The following KLHL6 variants were observed in gnomAD, a reference collection of about 807,000 sequenced individuals.
The protein encoded by KLHL6 is kelch-like protein 6.
In KLHL6, 41 loss-of-function variants were observed where a neutral mutation model predicts 58.6. The observed-to-expected ratio is 0.70, with a 90% confidence interval of 0.55 to 0.91. KLHL6 has a LOEUF of 0.91. KLHL6 is among the 40% of genes least tolerant of loss of function. The probability of loss-of-function intolerance (pLI) is 0.00; values close to 1 mark genes in which losing one functional copy is unlikely to be tolerated. For synonymous variants in KLHL6, 338 were observed against 322.7 expected (o/e 1.05, Z -0.51); for missense variants, 714 against 805.6 (o/e 0.89, Z 1.38).
intron 5 of KLHL6, 112 bp downstream of exon 5, chr3:183,493,967 G>T: frequency 3.2e-6 from 3 of 943,742 alleles, no homozygotes; most frequent in Non-Finnish European, 5.1e-6. Flanking sequence ...TGTTCTCCTT[G>T]GAAGTAAAGT....
At chr3:183,550,721 A>G (rs73190811) in intron 1 of KLHL6, among the ~76,000 whole-genome samples, 5,134 of 152,216 alleles carry the variant, frequency 0.034, 110 homozygotes, top group Non-Finnish European at 0.054. Flanking sequence ...GCTTGAGCCC[A>G]GGGAGGCTGC....
intron 1 of KLHL6, among the ~76,000 whole-genome samples, chr3:183,549,550 C>T (rs1430842734): frequency 2.1e-4 from 32 of 152,134 alleles, no homozygotes; most frequent in Non-Finnish European, 2.2e-4. Flanking sequence ...GCTCTGTTGC[C>T]CCGGCTGGAG....
chr3:183,550,921 C>T (rs1255961939), intron 1 of KLHL6, among the ~76,000 whole-genome samples: 2 of 152,084 alleles, frequency 1.3e-5, no homozygotes, highest in Non-Finnish European at 2.9e-5. Flanking sequence ...GAGATTGAAA[C>T]TATCCTGGCT....
chr3:183,507,101 C>A (rs145843064), intron 3 of KLHL6, among the ~76,000 whole-genome samples: 1 of 152,154 alleles, frequency 6.6e-6, no homozygotes, highest in Non-Finnish European at 1.5e-5. Context: ...TGATGCAAGA[C>A]CAGGCTCTGG....
Position 183,506,716 on chromosome 3 carries a change from T to A in KLHL6, c.909+1343A>T, listed in dbSNP as rs147285313. Among the ~76,000 whole-genome samples, 1,362 of 152,060 alleles carry A rather than the reference T, an allele frequency of 9.0e-3. 26 individuals are homozygous for A. Among genetic ancestry groups the A allele is most frequent in the African/African-American group, 0.031 (1,270 of 41,434 alleles). Reference sequence around the variant, plus strand: ...GGTAGCACATGCCTGTACTCCCAGCTACTTGGATGGCTGAGGTGGGAGGAT... The same window carrying A: ...GGTAGCACATGCCTGTACTCCCAGCAACTTGGATGGCTGAGGTGGGAGGAT... On this transcript the variant is annotated intron_variant, in intron 3 of 6. Transcript: ENST00000341319.
At chr3:183,502,330 G>A (rs1019828280) in intron 3 of KLHL6, among the ~76,000 whole-genome samples, 2 of 151,530 alleles carry the variant, frequency 1.3e-5, no homozygotes, top group African/African-American at 4.9e-5. Context: ...GTGAATGGAT[G>A]AGTGAATGAA....
chr3:183,498,720 G>A (rs1175351506), intron 4 of KLHL6, among the ~76,000 whole-genome samples: 1 of 152,216 alleles, frequency 6.6e-6, no homozygotes, highest in Non-Finnish European at 1.5e-5. Context: ...TTTACCCCGA[G>A]GTCAGGCACA....
intron 2 of KLHL6, chr3:183,520,165 G>T (rs1236010083): frequency 1.3e-5 from 2 of 152,128 alleles, no homozygotes; most frequent in African/African-American, 4.8e-5. Context: ...CTGACTGGTG[G>T]TTGCATGGTG....
intron 1 of KLHL6, among the ~76,000 whole-genome samples, chr3:183,534,933 C>CATATATAT (rs377650262): frequency 2.0e-4 from 27 of 137,852 alleles, no homozygotes; most frequent in African/African-American, 6.5e-4. Context: ...CATATATATA[C>CATATATAT]ATATATATAT....
chr3:183,514,728 G>A (rs1034836687), intron 2 of KLHL6, among the ~76,000 whole-genome samples: 1 of 151,728 alleles, frequency 6.6e-6, no homozygotes, highest in Non-Finnish European at 1.5e-5. Context: ...GAGTACAGTG[G>A]CACGATCTCG....
At position 183,499,619 on chromosome 3, in the gene KLHL6, A is replaced by G; in HGVS notation, c.1118T>C (p.Val373Ala). 1 of 1,602,302 alleles carries G rather than the reference A, an allele frequency of 6.2e-7. No homozygotes were observed. Among genetic ancestry groups the G allele is most frequent in the Non-Finnish European group, 8.5e-7 (1 of 1,174,156 alleles). Residue 373 changes from valine to alanine, a missense_variant, in exon 4 of 7, where the codon GTG becomes GCG. Physicochemically the swap from Val to Ala is moderately conservative, Grantham distance 64 (BLOSUM62 0). Around this residue, in one of 2 missense-constraint regions of KLHL6, gnomAD observed 510 missense variants for 629.7 expected, o/e 0.81. Coordinates refer to ENST00000341319, the MANE Select transcript of KLHL6 (RefSeq NM_130446.4). This position sits in a 1 kb window ranked among gnomAD's most constrained non-coding sequence, Gnocchi z 4.6. ...GATGTAGACCTCATTTTTCAATGTCACGCATGCAAACTCCACCCACTTCTT... is the reference window on the plus strand; with the variant it reads ...GATGTAGACCTCATTTTTCAATGTCGCGCATGCAAACTCCACCCACTTCTT... ...ENKKWVEFACVTLKNEVYISG... is the reference protein window; with the variant it reads ...ENKKWVEFACATLKNEVYISG...
chr3:183,521,950 C>T (rs1373230982), intron 2 of KLHL6, among the ~76,000 whole-genome samples: 1 of 151,132 alleles, frequency 6.6e-6, no homozygotes, highest in Non-Finnish European at 1.5e-5. Flanking sequence ...CCGCCTCCAC[C>T]TCCCAAAGTG....
At chr3:183,526,204 G>A (rs1388575238) in intron 2 of KLHL6, among the ~76,000 whole-genome samples, 1 of 152,116 alleles carries the variant, frequency 6.6e-6, no homozygotes, top group African/African-American at 2.4e-5. Context: ...CCAGCTACTC[G>A]GGAGGCTGAG....
chr3:183,507,374 C>T (rs964131398), intron 3 of KLHL6, among the ~76,000 whole-genome samples: 4 of 152,066 alleles, frequency 2.6e-5, no homozygotes, highest in South Asian at 4.1e-4. Context: ...GAGCAGCACC[C>T]CCATGGAATA....
intron 1 of KLHL6, among the ~76,000 whole-genome samples, chr3:183,544,334 A>G (rs1431941982): frequency 1.3e-5 from 2 of 152,240 alleles, no homozygotes; most frequent in African/African-American, 4.8e-5. Flanking sequence ...AAGGAGACTT[A>G]TCTTTACGTG....
rs1717790690 is a variant in KLHL6, at chr3:183,499,035, G to A, written c.1147+555C>T. ...ACTAGACTTGTCTGCCTCCTCCCCAGGTTTTCTATTAATAGTACAACGCTG... is the reference window on the plus strand; with the variant it reads ...ACTAGACTTGTCTGCCTCCTCCCCAAGTTTTCTATTAATAGTACAACGCTG... On this transcript the variant is annotated intron_variant, in intron 4 of 6. Transcript: ENST00000341319. The surrounding 1 kb of genome is among the most constrained non-coding windows in gnomAD (Gnocchi z 4.6). Among the ~76,000 whole-genome samples the A allele has an allele frequency of 6.6e-6, 1 of 152,180 alleles. No individual in the cohort carries two copies. Among genetic ancestry groups the A allele is most frequent in the Admixed American group, 6.5e-5 (1 of 15,278 alleles).
intron 1 of KLHL6, among the ~76,000 whole-genome samples, chr3:183,549,676 T>G (rs1482057042): frequency 6.6e-6 from 1 of 152,174 alleles, no homozygotes; most frequent in East Asian, 1.9e-4. Context: ...GCCCAGCTAA[T>G]TTTTTGTATT....
At chr3:183,515,221 C>A (rs1044837692) in intron 2 of KLHL6, among the ~76,000 whole-genome samples, 2 of 152,104 alleles carry the variant, frequency 1.3e-5, no homozygotes, top group Non-Finnish European at 2.9e-5. Context: ...GTGCTTGGAA[C>A]CCCACCTCTG....
chr3:183,503,120 C>T (rs1490689241), intron 3 of KLHL6, among the ~76,000 whole-genome samples: 2 of 152,180 alleles, frequency 1.3e-5, no homozygotes, highest in Non-Finnish European at 2.9e-5. Context: ...CAGGCATAAC[C>T]AGTTTATTTT....
Sources: allele counts gnomAD v4.1 joint callset (sites outside exome capture counted in the v4.1 genomes callset), GRCh38; gene constraint gnomAD v4.1.1; regional missense constraint gnomAD v4.1.1; non-coding constraint Gnocchi (gnomAD v3.1); transcripts MANE v1.5; gene names NCBI Gene and HGNC (gene_info 2026-07-23, HGNC 2026-07-21).